BIN1: variants seen among roughly 807,000 people sequenced by gnomAD.
The protein encoded by BIN1 is myc box-dependent-interacting protein 1.
In BIN1, 53 loss-of-function variants were observed where a neutral mutation model predicts 82.0. That is an observed-to-expected ratio of 0.65 (90% confidence interval 0.52 to 0.81). BIN1 has a LOEUF of 0.81. Among genes scored for constraint, BIN1 ranks in the 40% least tolerant of loss-of-function variants. BIN1 has a pLI of 0.00. For synonymous variants in BIN1, 302 were observed against 328.0 expected (o/e 0.92, Z 0.86); for missense variants, 642 against 784.4 (o/e 0.82, Z 2.17).
intron 1 of BIN1, among the ~76,000 whole-genome samples, chr2:127,088,740 T>TA (rs34767629): frequency 0.066 from 9,201 of 138,386 alleles, 409 homozygotes; most frequent in East Asian, 0.17. Flanking sequence ...CCGTATCTCT[T>TA]AAAAAAAAAA....
chr2:127,099,260 G>C (rs529259057), intron 1 of BIN1, among the ~76,000 whole-genome samples: 1 of 152,206 alleles, frequency 6.6e-6, no homozygotes, highest in African/African-American at 2.4e-5. Context: ...GTGACCACAG[G>C]GACCAGAGAC....
chr2:127,066,688 AC>A (rs1293575830), intron 7 of BIN1, among the ~76,000 whole-genome samples: 2 of 152,140 alleles, frequency 1.3e-5, no homozygotes, highest in Non-Finnish European at 2.9e-5. Context: ...CCCCATGGGC[AC>A]CCTGACCTCA....
At chr2:127,052,770 G>C (rs1414992678) in intron 14 of BIN1, 2 of 282,104 alleles carry the variant, frequency 7.1e-6, no homozygotes, top group Non-Finnish European at 1.4e-5. Context: ...CTGTATCAGG[G>C]GGTCTCAGGG....
intron 2 of BIN1, among the ~76,000 whole-genome samples, chr2:127,076,218 C>T (rs1686586597): frequency 6.6e-6 from 1 of 152,180 alleles, no homozygotes; most frequent in African/African-American, 2.4e-5. Flanking sequence ...CCATGCTCAG[C>T]AGATGCCCAA....
Position 127,053,989 on chromosome 2 carries a change from C to T in BIN1, c.1155G>A (p.Ser385=). 4 of 1,551,364 alleles carry T rather than the reference C, an allele frequency of 2.6e-6. No homozygotes were observed. Among genetic ancestry groups the T allele is most frequent in the South Asian group, 1.2e-5 (1 of 84,052 alleles). The change falls in exon 13 of 19, where the codon TCG becomes TCA. Residue 385 remains serine, a synonymous_variant. Coordinates refer to ENST00000316724, the MANE Select transcript of BIN1 (RefSeq NM_139343.3). The part of the protein sequence containing the change: ...PSQFEAPGPF[S]EQASLLDLDF... ...CCAGGTCCAGCAGACTGGCCTGCTC[C>T]GAGAAAGGCCCCGGGGCCTCAAACT...
chr2:127,082,286 T>C lies in BIN1; in HGVS notation c.85-5580A>G, dbSNP rs1687398281. On this transcript the variant is annotated intron_variant, in intron 1 of 18. Transcript: ENST00000316724. The surrounding 1 kb of genome is among the most constrained non-coding windows in gnomAD (Gnocchi z 6.1). ...AGCCAAGCTGGGGAGCTGTGGATGA[T>C]GACACAGGGCTGGCCTCGGGGATCT... is the stretch of plus-strand genomic sequence containing the variant. Among the ~76,000 whole-genome samples the C allele has an allele frequency of 6.6e-6, 1 of 152,140 alleles. No homozygotes were observed. The highest frequency in any genetic ancestry group is 1.9e-4 in the East Asian group (1 of 5,180).
chr2:127,059,248 G>A lies in BIN1; in HGVS notation c.858-93C>T, dbSNP rs1337498194. 7 of 1,441,502 alleles carry A rather than the reference G, an allele frequency of 4.9e-6. No individual in the cohort carries two copies. Among genetic ancestry groups the A allele is most frequent in the Non-Finnish European group, 6.6e-6 (7 of 1,059,736 alleles). 89.3% of individuals were successfully genotyped at this position (1,441,502 alleles called of 1,614,324 possible). Reference sequence around the variant, plus strand: ...TGTATTGACGTCTGTGTGAAGAGGTGTGTGCATATGGAGGTGTGAAACTGT... The same window carrying A: ...TGTATTGACGTCTGTGTGAAGAGGTATGTGCATATGGAGGTGTGAAACTGT... On this transcript the variant is annotated intron_variant, in intron 10 of 18. Transcript: ENST00000316724. The surrounding 1 kb of genome is among the most constrained non-coding windows in gnomAD (Gnocchi z 6.7).
In BIN1 at chr2:127,051,206, G is replaced by T; in HGVS notation, c.1409C>A (p.Pro470His). ...EASEVAGGTQPAAGAQEPGET... is the reference protein window; with the variant it reads ...EASEVAGGTQHAAGAQEPGET... ...CCCTGGCTCCTGGGCTCCAGCCGCA[G>T]GTTGGGTCCCACCCGCCACCTCCGA... The change falls in exon 16 of 19, where the codon CCT becomes CAT. Residue 470 changes from proline to histidine, a missense_variant. Transcript: ENST00000316724. The T allele has an allele frequency of 6.2e-7, 1 of 1,613,714 alleles. No individual in the cohort carries two copies. The highest frequency in any genetic ancestry group is 8.5e-7 in the Non-Finnish European group (1 of 1,179,964).
intron 18 of BIN1, among the ~76,000 whole-genome samples, chr2:127,049,159 C>T (rs1682554282): frequency 6.6e-6 from 1 of 152,206 alleles, no homozygotes. Context: ...CCGAGGCTGC[C>T]CCTGCAGCTG....
At chr2:127,105,844 G>T (rs1681047007) in intron 1 of BIN1, among the ~76,000 whole-genome samples, 1 of 152,224 alleles carries the variant, frequency 6.6e-6, no homozygotes, top group Non-Finnish European at 1.5e-5. Flanking sequence ...CGGGGCACTG[G>T]GGGGCCACCC....
At chr2:127,055,761 G>A (rs1683572252) in intron 12 of BIN1, 1 of 152,330 alleles carries the variant, frequency 6.6e-6, no homozygotes, top group South Asian at 2.1e-4. Context: ...TCGCCATGCA[G>A]GCCCGGGACT....
rs543438812 is a variant in BIN1 at position 127,057,521 on chromosome 2, C to G, written c.1083G>C (p.Leu361=). The change falls in exon 12 of 19, where the codon CTG becomes CTC. Residue 361 remains leucine, a synonymous_variant. Transcript: ENST00000316724. This position sits in a 1 kb window ranked among gnomAD's most constrained non-coding sequence, Gnocchi z 5.0. The part of the protein sequence containing the change: ...KEVKQEQILS[L]FEDTFVPEIS... ...TCTCAGGGACAAACGTGTCCTCAAACAGGCTGAGGATCTGCTCCTGCTTGA... is the reference window on the plus strand; with the variant it reads ...TCTCAGGGACAAACGTGTCCTCAAAGAGGCTGAGGATCTGCTCCTGCTTGA... 5 of 1,547,176 alleles carry G rather than the reference C, an allele frequency of 3.2e-6. 1 individual carries two copies. The South Asian group carries it at 6.0e-5, about 19-fold the overall frequency.
intron 1 of BIN1, among the ~76,000 whole-genome samples, chr2:127,087,010 A>C (rs1464096404): frequency 1.3e-5 from 2 of 152,176 alleles, no homozygotes; most frequent in African/African-American, 4.8e-5. Flanking sequence ...GTCACTCTAA[A>C]ATGATGATCT....
At chr2:127,095,581 G>A (rs1032741633) in intron 1 of BIN1, among the ~76,000 whole-genome samples, 7 of 152,192 alleles carry the variant, frequency 4.6e-5, no homozygotes, top group African/African-American at 1.7e-4. Context: ...GAAGACATCT[G>A]CACCTTAACA....
At chr2:127,051,062 T>G in intron 16 of BIN1, 92 bp downstream of exon 16, 1 of 1,562,206 alleles carries the variant, frequency 6.4e-7, no homozygotes, top group Non-Finnish European at 8.8e-7. Context: ...GAGCCAGGCC[T>G]GGACCAGCAC....
rs563178427 is a variant in BIN1, at chr2:127,073,617, G to A, written c.166-2801C>T. ...TAGGGGGCAGGGACGGCCCTCCTACGTGGACCCCCTCTGGCACCCCTCAGC... is the reference window on the plus strand; with the variant it reads ...TAGGGGGCAGGGACGGCCCTCCTACATGGACCCCCTCTGGCACCCCTCAGC... On this transcript the variant is annotated intron_variant, in intron 2 of 18. Coordinates refer to ENST00000316724, the MANE Select transcript of BIN1 (RefSeq NM_139343.3). 2.9e-4 allele frequency among the ~76,000 whole-genome samples: 44 copies of A among 152,266 alleles called. No individual in the cohort carries two copies. The East Asian group carries it at 3.7e-3, about 13-fold the overall frequency.
chr2:127,080,660 G>A (rs958781698), intron 1 of BIN1, among the ~76,000 whole-genome samples: 1 of 151,672 alleles, frequency 6.6e-6, no homozygotes, highest in African/African-American at 2.4e-5. Context: ...CTTTATCAGT[G>A]CCACACCCAA....
At chr2:127,078,357 G>A (rs1686882937) in intron 1 of BIN1, among the ~76,000 whole-genome samples, 1 of 152,220 alleles carries the variant, frequency 6.6e-6, no homozygotes, top group African/African-American at 2.4e-5. Flanking sequence ...GGACCCTGGG[G>A]GTAGAGATCT....
At chr2:127,069,237 G>C (rs77312144) in intron 5 of BIN1, among the ~76,000 whole-genome samples, 1 of 152,270 alleles carries the variant, frequency 6.6e-6, no homozygotes, top group East Asian at 1.9e-4. Flanking sequence ...CCACTTCCTT[G>C]CACATGAGCC....
Sources: allele counts gnomAD v4.1 joint callset (sites outside exome capture counted in the v4.1 genomes callset), GRCh38; gene constraint gnomAD v4.1.1; non-coding constraint Gnocchi (gnomAD v3.1); transcripts MANE v1.5; gene names NCBI Gene and HGNC (gene_info 2026-07-23, HGNC 2026-07-21).